STRN: variants seen among roughly 807,000 people sequenced by gnomAD.
The protein encoded by STRN is striatin.
A neutral mutation model predicts 96.3 loss-of-function variants in STRN; 53 were observed. The observed-to-expected ratio is 0.55, with a 90% CI of 0.44 to 0.69. The LOEUF is 0.69. Among genes scored for constraint, STRN ranks in the 30% least tolerant of loss-of-function variants. The probability of loss-of-function intolerance (pLI) is 0.00; values close to 1 mark genes in which losing one functional copy is unlikely to be tolerated. For synonymous variants in STRN, 428 were observed against 355.9 expected (o/e 1.20, Z -2.28); for missense variants, 987 against 963.9 (o/e 1.02, Z -0.32).
At chr2:36,910,516 G>A (rs1669938953) in intron 3 of STRN, among the ~76,000 whole-genome samples, 2 of 152,184 alleles carry the variant, frequency 1.3e-5, no homozygotes, top group African/African-American at 2.4e-5. Context: ...CCATGAAGTG[G>A]TGTATTATCA....
intron 3 of STRN, among the ~76,000 whole-genome samples, chr2:36,912,835 A>G (rs144202450): frequency 2.2e-3 from 339 of 152,236 alleles, no homozygotes; most frequent in Non-Finnish European, 3.8e-3. Flanking sequence ...CATTTTCCAA[A>G]TCTACTTCTG....
At chr2:36,958,000 A>G (rs1010287171) in intron 1 of STRN, among the ~76,000 whole-genome samples, 1 of 150,482 alleles carries the variant, frequency 6.6e-6, no homozygotes, top group Non-Finnish European at 1.5e-5. Flanking sequence ...GCTCACTGCA[A>G]GCTCCGCCTC....
intron 16 of STRN, among the ~76,000 whole-genome samples, chr2:36,850,624 T>C (rs976548858): frequency 2.0e-5 from 3 of 152,218 alleles, no homozygotes; most frequent in African/African-American, 7.2e-5. Flanking sequence ...AAACAAAATA[T>C]AATGACCATA....
chr2:36,903,227 T>C (rs575688898), intron 4 of STRN, among the ~76,000 whole-genome samples: 2 of 152,294 alleles, frequency 1.3e-5, no homozygotes, highest in South Asian at 4.1e-4. Context: ...GAAGCTCCTA[T>C]CCTGAGACAA....
At chr2:36,874,220 C>T (rs1309488504) in intron 10 of STRN, among the ~76,000 whole-genome samples, 16 of 150,376 alleles carry the variant, frequency 1.1e-4, no homozygotes, top group Admixed American at 2.0e-4. Context: ...GCTAAGATCG[C>T]GCCACTGCAC....
Position 36,845,545 on chromosome 2 carries a change from A to G in STRN, c.*3911T>C, listed in dbSNP as rs149505565. 3 of 152,168 alleles carry G rather than the reference A, an allele frequency of 2.0e-5. No homozygotes were observed. The highest frequency in any genetic ancestry group is 7.2e-5 in the African/African-American group (3 of 41,434). The allele number at this position is 152,168 out of a possible 1,614,324, so 9.4% of individuals were successfully genotyped here. ...TATTTACTAGTTGAATCTTTACCACATAAGAACTTCATGACATGCTGTTTT... is the reference window on the plus strand; with the variant it reads ...TATTTACTAGTTGAATCTTTACCACGTAAGAACTTCATGACATGCTGTTTT... On this transcript the variant is annotated 3_prime_UTR_variant, in exon 18 of 18. Coordinates refer to ENST00000263918, the MANE Select transcript of STRN (RefSeq NM_003162.4).
chr2:36,925,102 T>C lies in STRN; in HGVS notation c.338+3A>G. The stretch of plus-strand genomic sequence containing the variant: ...AACACCACTTTTCATTTTACTGAAT[T>C]ACCTTTCCTGTTTAAGAGCATACTC... On this transcript the variant is annotated splice_donor_region_variant and intron_variant, in intron 2 of 17. Transcript: ENST00000263918. The C allele has an allele frequency of 6.2e-7, 1 of 1,605,038 alleles. No homozygotes were observed. Among genetic ancestry groups the C allele is most frequent in the Non-Finnish European group, 8.5e-7 (1 of 1,173,118 alleles).
At chr2:36,912,181 G>A (rs1214235807) in intron 3 of STRN, among the ~76,000 whole-genome samples, 3 of 151,960 alleles carry the variant, frequency 2.0e-5, no homozygotes, top group East Asian at 1.9e-4. Context: ...TTCCTATTTC[G>A]AGTATCTCTA....
intron 2 of STRN, among the ~76,000 whole-genome samples, chr2:36,918,100 A>G (rs1385295464): frequency 6.6e-6 from 1 of 152,140 alleles, no homozygotes; most frequent in East Asian, 1.9e-4. Context: ...TTTTTAGTAA[A>G]TATGTTTAGT....
In STRN at chr2:36,916,103, A is replaced by T; in HGVS notation, c.387T>A (p.Asp129Glu). ...CAGAATCATAGCTTGGAGGCTTCATATCTCCCTGATTCAATTCTGTCCCGT... is the reference window on the plus strand; with the variant it reads ...CAGAATCATAGCTTGGAGGCTTCATTTCTCCCTGATTCAATTCTGTCCCGT... ...LKYGTELNQG[D>E]MKPPSYDSDE... The change falls in exon 3 of 18, where the codon GAT (aspartate) becomes GAA (glutamate). Residue 129 changes from aspartate to glutamate, a missense_variant. Coordinates refer to ENST00000263918, the MANE Select transcript of STRN (RefSeq NM_003162.4). The T allele has an allele frequency of 6.2e-7, 1 of 1,613,636 alleles. No individual in the cohort carries two copies.
In STRN at chr2:36,877,934, G is replaced by A. The variant is rs1668958785; in HGVS notation, c.1280C>T (p.Ala427Val). ...TGCTTCATTGGCCACCGTAAGGCCTGCTAGTTCTCCAAGTCCCAGTTCACT... is the reference window on the plus strand; with the variant it reads ...TGCTTCATTGGCCACCGTAAGGCCTACTAGTTCTCCAAGTCCCAGTTCACT... Reference protein sequence around the residue: ...LESELGLGELAGLTVANEADS... With the variant: ...LESELGLGELVGLTVANEADS... Residue 427 changes from alanine (A) to valine (V), a missense_variant, in exon 10 of 18, where the codon GCA becomes GTA. By Grantham distance (64) the Ala-to-Val change is moderately conservative. Transcript: ENST00000263918. 6.2e-7 allele frequency: 1 copy of A among 1,614,180 alleles called. No individual in the cohort carries two copies. The highest frequency in any genetic ancestry group is 8.5e-7 in the Non-Finnish European group (1 of 1,180,020).
chr2:36,936,165 CTGCT>C (rs939179969), intron 1 of STRN, among the ~76,000 whole-genome samples: 3 of 152,140 alleles, frequency 2.0e-5, no homozygotes, highest in Non-Finnish European at 2.9e-5. Flanking sequence ...AAAAATCTTC[CTGCT>C]TGCTTATGTT....
intron 10 of STRN, among the ~76,000 whole-genome samples, chr2:36,876,327 G>A (rs1322267571): frequency 2.0e-5 from 3 of 151,732 alleles, no homozygotes; most frequent in Non-Finnish European, 4.4e-5. Flanking sequence ...GGAGAATGGA[G>A]TGCAAGGAGT....
chr2:36,909,746 A>G lies in STRN; in HGVS notation c.413-4128T>C, dbSNP rs116524220. On this transcript the variant is annotated intron_variant, in intron 3 of 17. Transcript: ENST00000263918. ...TAACTACACCAGGGCATATCATAAT[A>G]AAATCATTTAGAACCAATGATAAAG... Among the ~76,000 whole-genome samples the G allele has an allele frequency of 6.5e-3, 990 of 152,352 alleles. 16 individuals are homozygous for G. Among genetic ancestry groups the G allele is most frequent in the African/African-American group, 0.023 (944 of 41,582 alleles).
chr2:36,937,175 C>G (rs1057305901), intron 1 of STRN, among the ~76,000 whole-genome samples: 7 of 151,802 alleles, frequency 4.6e-5, no homozygotes, highest in African/African-American at 1.7e-4. Context: ...GAAACCCTGT[C>G]TCTACTAAAA....
intron 13 of STRN, among the ~76,000 whole-genome samples, chr2:36,859,907 C>T (rs960129767): frequency 2.6e-5 from 4 of 152,072 alleles, no homozygotes; most frequent in African/African-American, 9.7e-5. Context: ...GTGTTGTAGC[C>T]AGAAGCCAGA....
chr2:36,903,590 T>A (rs535886418), intron 4 of STRN, among the ~76,000 whole-genome samples: 2 of 152,178 alleles, frequency 1.3e-5, no homozygotes, highest in Non-Finnish European at 1.5e-5. Flanking sequence ...CATTAACTTA[T>A]AAGTAGGCAC....
intron 3 of STRN, among the ~76,000 whole-genome samples, chr2:36,907,967 AACTTCAAAG>A (rs1329148309): frequency 6.6e-6 from 1 of 152,118 alleles, no homozygotes; most frequent in Non-Finnish European, 1.5e-5. Context: ...ACTCTGTGAT[AACTTCAAAG>A]AGAAAATAAA....
chr2:36,922,111 C>T (rs1369183517), intron 2 of STRN, among the ~76,000 whole-genome samples: 1 of 152,044 alleles, frequency 6.6e-6, no homozygotes. Context: ...AAAAATGGTA[C>T]CTATAGAGAG....
Sources: gnomAD v4.1 joint callset for allele counts (sites outside exome capture counted in the v4.1 genomes callset) on GRCh38, gnomAD v4.1.1 for gene constraint, MANE v1.5 for transcripts, NCBI Gene and HGNC (gene_info 2026-07-23, HGNC 2026-07-21) for gene names.